The following MTHFD1L variants were observed in gnomAD, a reference collection of about 807,000 sequenced individuals.
MTHFD1L encodes methylenetetrahydrofolate dehydrogenase (NADP+ dependent) 1 like.
A neutral mutation model predicts 119.5 loss-of-function variants in MTHFD1L; 81 were observed. That is an observed-to-expected ratio of 0.68 (90% CI 0.57 to 0.82). MTHFD1L has a LOEUF of 0.82. MTHFD1L is among the 40% of genes least tolerant of loss of function. The probability of loss-of-function intolerance (pLI) is 0.00; values close to 1 mark genes in which losing one functional copy is unlikely to be tolerated. For synonymous variants in MTHFD1L, 430 were observed against 475.2 expected (o/e 0.90, Z 1.24); for missense variants, 1,125 against 1,253.4 (o/e 0.90, Z 1.55).
At chr6:150,921,341 A>ACTCCCGAC (rs2128894386) in intron 9 of MTHFD1L, among the ~76,000 whole-genome samples, 1 of 151,958 alleles carries the variant, frequency 6.6e-6, no homozygotes, top group Admixed American at 6.6e-5. Context: ...CTGGTCTCGA[A>ACTCCCGAC]CTCCCGACCT....
rs566959420 is a variant in MTHFD1L at position 150,892,984 on chromosome 6, C to T, written c.780+5003C>T. Among the ~76,000 whole-genome samples, 33 of 152,198 alleles carry T rather than the reference C, an allele frequency of 2.2e-4. No homozygotes were observed. In the East Asian group the frequency reaches 6.0e-3, roughly 28 times the overall value. On this transcript the variant is annotated intron_variant, in intron 7 of 27. Transcript: ENST00000367321. ...GCATGGGTTAGTGTCCTGGGGCACC[C>T]AATCAGGACAGGACACCTGGCACAC... is the stretch of plus-strand genomic sequence containing the variant.
At chr6:150,882,682 A>G in intron 4 of MTHFD1L, 80 bp from the exon 5 acceptor site, 1 of 1,074,650 alleles carries the variant, frequency 9.3e-7, no homozygotes, top group Non-Finnish European at 1.3e-6. Context: ...TCATGAATCC[A>G]CTTTTTATAT....
At chr6:150,959,310 C>A in intron 17 of MTHFD1L, 2 of 612,692 alleles carry the variant, frequency 3.3e-6, no homozygotes, top group Non-Finnish European at 4.1e-6. Context: ...GCCATTCTCT[C>A]TCTGCGTAAG....
At chr6:151,009,721 T>A (rs1562531769) in intron 20 of MTHFD1L, 98 bp from the exon 21 acceptor site, 1 of 1,322,312 alleles carries the variant, frequency 7.6e-7, no homozygotes, top group Non-Finnish European at 1.1e-6. Flanking sequence ...ACAAAAGGAA[T>A]GTAAGCTGTC....
intron 24 of MTHFD1L, among the ~76,000 whole-genome samples, chr6:151,033,411 C>T (rs900694335): frequency 3.3e-5 from 5 of 152,144 alleles, no homozygotes; most frequent in African/African-American, 1.2e-4. Flanking sequence ...TGAGCCACTG[C>T]ACCTGGCCAC....
intron 14 of MTHFD1L, among the ~76,000 whole-genome samples, chr6:150,944,996 T>C (rs915490003): frequency 2.0e-5 from 3 of 152,224 alleles, no homozygotes; most frequent in African/African-American, 7.2e-5. Flanking sequence ...TGAAAAGATG[T>C]CAGAGACCCT....
chr6:150,931,862 T>C (rs1046092390), intron 11 of MTHFD1L, among the ~76,000 whole-genome samples: 3 of 152,190 alleles, frequency 2.0e-5, no homozygotes, highest in African/African-American at 7.2e-5. Context: ...ATACTCATCT[T>C]TAAAAAGACA....
At chr6:151,017,162 C>T (rs1305329079) in intron 24 of MTHFD1L, among the ~76,000 whole-genome samples, 1 of 152,068 alleles carries the variant, frequency 6.6e-6, no homozygotes, top group African/African-American at 2.4e-5. Flanking sequence ...TTTCATCTTG[C>T]AAAACTGAAA....
intron 1 of MTHFD1L, among the ~76,000 whole-genome samples, chr6:150,867,082 C>T (rs1264998001): frequency 6.6e-6 from 1 of 152,178 alleles, no homozygotes; most frequent in Non-Finnish European, 1.5e-5. Flanking sequence ...TCTGCTCTCC[C>T]ATTTTCCTCC....
intron 24 of MTHFD1L, among the ~76,000 whole-genome samples, chr6:151,029,815 ACAACT>A (rs1437825118): frequency 6.6e-6 from 1 of 152,210 alleles, no homozygotes; most frequent in Non-Finnish European, 1.5e-5. Context: ...TTTTTAAATA[ACAACT>A]CAGCCATCCA....
At chr6:151,093,231 G>A (rs756712424) in intron 27 of MTHFD1L, among the ~76,000 whole-genome samples, 28 of 152,228 alleles carry the variant, frequency 1.8e-4, no homozygotes, top group Non-Finnish European at 3.4e-4. Flanking sequence ...TTGCAGCTGC[G>A]TCACTCCCGT....
intron 19 of MTHFD1L, among the ~76,000 whole-genome samples, chr6:150,966,314 A>G (rs1797208732): frequency 6.6e-6 from 1 of 152,160 alleles, no homozygotes; most frequent in South Asian, 2.1e-4. Context: ...ATGGCAGAAC[A>G]GGAGAGAGAG....
chr6:150,965,017 A>C lies in MTHFD1L; in HGVS notation c.1993A>C (p.Asn665His). ...TVLMKDAIKP[N>H]LMQTLEGTPV... is the part of the protein sequence containing the mutation. The stretch of plus-strand genomic sequence containing the variant: ...TTTGATGAAAGATGCAATAAAACCA[A>C]ACCTGATGCAGACCCTGGAAGTAAG... The change falls in exon 19 of 28, where the codon AAC (asparagine) becomes CAC (histidine). Residue 665 changes from asparagine to histidine, a missense_variant. Physicochemically the swap from Asn to His is moderately conservative, Grantham distance 68 (BLOSUM62 1). This residue lies in a region of MTHFD1L where 1,058 missense variants were observed against 1,151.2 expected (regional missense o/e 0.92). Transcript: ENST00000367321. 1 of 1,614,060 alleles carries C rather than the reference A, an allele frequency of 6.2e-7. No individual in the cohort carries two copies. Among genetic ancestry groups the C allele is most frequent in the Non-Finnish European group, 8.5e-7 (1 of 1,179,938 alleles).
intron 20 of MTHFD1L, among the ~76,000 whole-genome samples, chr6:150,986,832 G>A (rs1778374487): frequency 6.6e-6 from 1 of 152,130 alleles, no homozygotes; most frequent in Admixed American, 6.5e-5. Context: ...AGCCTCCCAA[G>A]TAGCTGGGAC....
At chr6:150,979,875 TTC>T (rs1201540374) in intron 20 of MTHFD1L, among the ~76,000 whole-genome samples, 8 of 152,130 alleles carry the variant, frequency 5.3e-5, no homozygotes, top group African/African-American at 1.2e-4. Flanking sequence ...TAGTGGCTTG[TTC>T]TCTCTTTCCA....
intron 16 of MTHFD1L, among the ~76,000 whole-genome samples, chr6:150,952,593 G>A (rs992264428): frequency 2.6e-5 from 4 of 151,874 alleles, no homozygotes; most frequent in Admixed American, 2.0e-4. Flanking sequence ...TGCAGTGTGC[G>A]ATCTCGGCTC....
chr6:150,897,873 T>G (rs763982494), intron 7 of MTHFD1L, among the ~76,000 whole-genome samples: 15 of 152,212 alleles, frequency 9.9e-5, no homozygotes, highest in Non-Finnish European at 2.1e-4. Context: ...AGACAGAGTT[T>G]TGCTCTTCTC....
chr6:150,926,216 A>G lies in MTHFD1L; in HGVS notation c.1177A>G (p.Lys393Glu), dbSNP rs1789955146. 6.2e-7 allele frequency: 1 copy of G among 1,614,170 alleles called. No homozygotes were observed. Among genetic ancestry groups the G allele is most frequent in the Non-Finnish European group, 8.5e-7 (1 of 1,180,012 alleles). ...LLADEIEIYGKSKAKVRLSVL... is the reference protein window; with the variant it reads ...LLADEIEIYGESKAKVRLSVL... ...TGCAGATGAAATTGAAATCTATGGC[A>G]AAAGCAAAGCCAAAGTACGTTTGTC... is the stretch of plus-strand genomic sequence containing the variant. Residue 393 changes from lysine to glutamate, a missense_variant, in exon 11 of 28, where the codon AAA becomes GAA. Around this residue, in one of 3 missense-constraint regions of MTHFD1L, gnomAD observed 1,058 missense variants for 1,151.2 expected, o/e 0.92. Coordinates refer to ENST00000367321, the MANE Select transcript of MTHFD1L (RefSeq NM_015440.5). The surrounding 1 kb of genome is among the most constrained non-coding windows in gnomAD (Gnocchi z 4.3).
At chr6:151,030,386 G>A (rs113918821) in intron 24 of MTHFD1L, among the ~76,000 whole-genome samples, 10 of 152,272 alleles carry the variant, frequency 6.6e-5, no homozygotes, top group Non-Finnish European at 5.9e-5. Context: ...TCTACTGCCC[G>A]GAGAACACAC....
Sources: gnomAD v4.1 joint callset for allele counts (sites outside exome capture counted in the v4.1 genomes callset) on GRCh38, gnomAD v4.1.1 for gene constraint, gnomAD v4.1.1 regional missense constraint, Gnocchi (gnomAD v3.1) non-coding constraint, MANE v1.5 for transcripts, NCBI Gene and HGNC (gene_info 2026-07-23, HGNC 2026-07-21) for gene names.